SLC9A6: variants seen among roughly 807,000 people sequenced by gnomAD.
The protein encoded by SLC9A6 is sodium/hydrogen exchanger 6.
Under a neutral mutation model 45.3 loss-of-function variants are expected in SLC9A6, and 6 were observed. That is an observed-to-expected ratio of 0.13 (90% CI 0.07 to 0.26). The LOEUF (loss-of-function observed/expected upper bound fraction) is 0.26. Ranked by LOEUF, SLC9A6 falls within the 10% of genes least tolerant of loss-of-function variation. The probability of loss-of-function intolerance (pLI) is 1.00; values close to 1 mark genes in which losing one functional copy is unlikely to be tolerated. For synonymous variants in SLC9A6, 191 were observed against 187.7 expected, an observed-to-expected ratio of 1.02 and a Z score of -0.14; for missense variants, 278 against 503.7, an observed-to-expected ratio of 0.55 and a Z score of 4.29.
rs782085680 is a variant in SLC9A6 at position 136,039,643 on chromosome X, G to GA, written c.1662-429dup. Reference sequence around the variant, plus strand: ...ACCATTTTATTACTATGTTCTACTGGAAAATTTAATTTCCTCTCTGGCCAT... The same window carrying GA: ...ACCATTTTATTACTATGTTCTACTGGAAAAATTTAATTTCCTCTCTGGCCAT... On this transcript the variant is annotated intron_variant, in intron 16 of 17. Coordinates refer to ENST00000630721, the MANE Select transcript of SLC9A6 (RefSeq NM_001379110.1). 9.8e-5 allele frequency among the ~76,000 whole-genome samples: 11 copies of GA among 112,013 alleles called. No individual in the cohort carries two copies. In the South Asian group the frequency reaches 4.1e-3, roughly 42 times the overall value.
intron 1 of SLC9A6, among the ~76,000 whole-genome samples, chrX:135,977,325 A>T (rs1364351483): frequency 8.9e-6 from 1 of 112,244 alleles, no homozygotes; most frequent in Non-Finnish European, 1.9e-5. Context: ...GTTATTTGTG[A>T]AGACTTATCA....
At chrX:136,029,739 C>T (rs782682295) in intron 14 of SLC9A6, 37 of 185,738 alleles carry the variant, frequency 2.0e-4, no homozygotes, top group Non-Finnish European at 3.3e-4. Context: ...AGAATGTTGC[C>T]ATGAGAGCTG....
At chrX:136,033,377 T>G (rs782259838) in intron 15 of SLC9A6, 37 bp from the exon 16 acceptor site, 1 of 871,147 alleles carries the variant, frequency 1.1e-6, no homozygotes, top group East Asian at 3.4e-5. Flanking sequence ...GTTCATATCT[T>G]TGTATAGATA....
At chrX:135,986,597 C>T (rs782351511) in intron 2 of SLC9A6, among the ~76,000 whole-genome samples, 3 of 111,635 alleles carry the variant, frequency 2.7e-5, no homozygotes, top group South Asian at 7.5e-4. Context: ...ATTACAAACA[C>T]CATGCATATG....
At chrX:136,031,667 AAAAC>A (rs1556621156) in intron 15 of SLC9A6, among the ~76,000 whole-genome samples, 3 of 112,007 alleles carry the variant, frequency 2.7e-5, no homozygotes, top group Non-Finnish European at 3.8e-5. Flanking sequence ...TGGAAAAACA[AAAAC>A]AAAATAAAAA....
At chrX:135,995,053 A>ACAAAAAGAGTT in intron 3 of SLC9A6, 68 bp downstream of exon 3, 1 of 686,464 alleles carries the variant, frequency 1.5e-6, no homozygotes. Context: ...TCCAGGAGAA[A>ACAAAAAGAGTT]ATAAGTAATG....
upstream of SLC9A6, chrX:135,973,852 G>C (rs1430666415): frequency 8.6e-7 from 1 of 1,156,751 alleles, no homozygotes; most frequent in Non-Finnish European, 1.1e-6. Flanking sequence ...GGAATGCCGG[G>C]AAGAAGCAGA....
upstream of SLC9A6, chrX:135,985,392 C>G (rs1556614642): frequency 8.7e-6 from 4 of 457,861 alleles, no homozygotes; most frequent in Non-Finnish European, 1.3e-5. Flanking sequence ...GCGGCGGCGG[C>G]GCGCGCTCCG....
At chrX:135,985,565 C>A (rs1556614735) in intron 1 of SLC9A6, 38 bp from the exon 2 acceptor site, 1 of 1,199,212 alleles carries the variant, frequency 8.3e-7, no homozygotes, top group South Asian at 1.8e-5. Context: ...GTCCCCGAGC[C>A]CGCAGGCTCA....
intron 7 of SLC9A6, among the ~76,000 whole-genome samples, chrX:136,008,396 C>T (rs925223245): frequency 9.0e-5 from 10 of 111,372 alleles, no homozygotes; most frequent in South Asian, 7.6e-4. Context: ...CCACCATGCC[C>T]GGCTAATTTT....
At chrX:135,978,380 G>C (rs147199934) in intron 1 of SLC9A6, among the ~76,000 whole-genome samples, 6 of 111,460 alleles carry the variant, frequency 5.4e-5, no homozygotes, top group African/African-American at 2.0e-4. Flanking sequence ...AGCTGGGCAC[G>C]GTGGCTCACG....
chrX:136,026,426 A>G (rs1174369300), intron 13 of SLC9A6, among the ~76,000 whole-genome samples: 2 of 112,070 alleles, frequency 1.8e-5, no homozygotes, highest in East Asian at 2.8e-4. Flanking sequence ...CAGTGAGCTA[A>G]TATCTGTAAA....
At chrX:135,976,994 G>T (rs781971387) in intron 1 of SLC9A6, among the ~76,000 whole-genome samples, 1 of 112,146 alleles carries the variant, frequency 8.9e-6, no homozygotes, top group Non-Finnish European at 1.9e-5. Flanking sequence ...ATTCCAACCT[G>T]AAGGGAAGCC....
At chrX:136,027,946 C>T (rs2071257384) in intron 13 of SLC9A6, among the ~76,000 whole-genome samples, 1 of 112,349 alleles carries the variant, frequency 8.9e-6, no homozygotes, top group South Asian at 3.7e-4. Context: ...TCATTTACTA[C>T]ACATGCTTTG....
In SLC9A6 at chrX:135,994,698, G is replaced by A. The variant is rs1297795061; in HGVS notation, c.170-88G>A. 1.7e-5 allele frequency: 15 copies of A among 874,003 alleles called. No individual in the cohort carries two copies. In the African/African-American group the frequency reaches 3.0e-4, roughly 17 times the overall value. The allele number at this position is 874,003 out of a possible 1,213,427, so 72.0% of individuals were successfully genotyped here. On this transcript the variant is annotated intron_variant, in intron 2 of 17. Transcript: ENST00000630721. ...TCTGAGCTACAGGGAACTACCGTAA[G>A]AGATTTTCTCTTATCCATAGTTATG...
At chrX:136,012,423 G>A (rs1556618778) in intron 8 of SLC9A6, among the ~76,000 whole-genome samples, 3 of 112,796 alleles carry the variant, frequency 2.7e-5, no homozygotes, top group Non-Finnish European at 5.6e-5. Context: ...CTTGGCACAG[G>A]CCCTTCCACT....
At chrX:136,029,852 C>T in intron 14 of SLC9A6, 1 of 364,116 alleles carries the variant, frequency 2.7e-6, no homozygotes, top group Admixed American at 4.5e-5. Flanking sequence ...TTCGAGTGGA[C>T]CTATATTCAG....
chrX:136,033,507 A>G lies in SLC9A6; in HGVS notation c.1661+14A>G. The G allele has an allele frequency of 9.9e-7, 1 of 1,006,740 alleles. No individual in the cohort carries two copies. The highest frequency in any genetic ancestry group is 1.4e-6 in the Non-Finnish European group (1 of 719,701). 83.0% of individuals were successfully genotyped at this position (1,006,740 alleles called of 1,213,427 possible). Reference sequence around the variant, plus strand: ...CTTTGATCATAAGTATCCTTAATTGAGGGAAAAAAAAAAAGGATAATGTGG... The same window carrying G: ...CTTTGATCATAAGTATCCTTAATTGGGGGAAAAAAAAAAAGGATAATGTGG... On this transcript the variant is annotated intron_variant, in intron 16 of 17. Coordinates refer to ENST00000630721, the MANE Select transcript of SLC9A6 (RefSeq NM_001379110.1).
At chrX:135,979,329 G>A (rs182654842) in intron 1 of SLC9A6, among the ~76,000 whole-genome samples, 5 of 110,980 alleles carry the variant, frequency 4.5e-5, no homozygotes, top group East Asian at 2.8e-4. Context: ...CTTCTTTGGC[G>A]CTCCCACAGC....
Sources: gnomAD v4.1 joint callset for allele counts (sites outside exome capture counted in the v4.1 genomes callset) on GRCh38, gnomAD v4.1.1 for gene constraint, MANE v1.5 for transcripts, NCBI Gene and HGNC (gene_info 2026-07-23, HGNC 2026-07-21) for gene names.